The following ANOS1 variants were observed in gnomAD, a reference collection of about 807,000 sequenced individuals.
ANOS1 encodes anosmin-1.
In ANOS1, 6 loss-of-function variants were observed where a neutral mutation model predicts 59.0. The observed-to-expected ratio is 0.10, with a 90% CI of 0.06 to 0.20. The LOEUF is 0.20. Ranked by LOEUF, ANOS1 falls within the 10% of genes least tolerant of loss-of-function variation. ANOS1 has a pLI of 1.00. For missense variants in ANOS1, 433 were observed against 542.3 expected, an observed-to-expected ratio of 0.80 and a Z score of 2.00; for synonymous variants, 217 against 223.4, an observed-to-expected ratio of 0.97 and a Z score of 0.25.
rs1450493612 is a variant in ANOS1 at position 8,626,383 on chromosome X, TTTAAA to T, written c.256-2718_256-2714del. On this transcript the variant is annotated intron_variant, in intron 2 of 13. Coordinates refer to ENST00000262648, the MANE Select transcript of ANOS1 (RefSeq NM_000216.4). The stretch of plus-strand genomic sequence containing the variant: ...TCATAGTAATGTTGCATATGAACAT[TTTAAA>T]TTATTTTCATTTTTTTAAAAAAACT... Among the ~76,000 whole-genome samples the T allele has an allele frequency of 2.7e-5, 3 of 110,852 alleles. No individual in the cohort carries two copies. The East Asian group carries it at 8.5e-4, about 31-fold the overall frequency.
At chrX:8,598,306 A>G (rs760429091) in intron 3 of ANOS1, among the ~76,000 whole-genome samples, 11 of 112,033 alleles carry the variant, frequency 9.8e-5, no homozygotes, top group Non-Finnish European at 1.7e-4. Flanking sequence ...TATTAGAGGA[A>G]TGCATTATTG....
rs1370668300 is a variant in ANOS1, at chrX:8,731,813, CG to C, written c.207+16del. On this transcript the variant is annotated intron_variant, in intron 1 of 13. Coordinates refer to ENST00000262648, the MANE Select transcript of ANOS1 (RefSeq NM_000216.4). ...GCCGCAGCCCCAGAAAGAACCCGGG[CG>C]GGGGCCTCCCCGTACCTGGAAGTGC... is the stretch of plus-strand genomic sequence containing the variant. 8.5e-7 allele frequency: 1 copy of C among 1,180,416 alleles called. No individual in the cohort carries two copies.
intron 2 of ANOS1, among the ~76,000 whole-genome samples, chrX:8,666,232 A>C (rs1932133123): frequency 9.0e-6 from 1 of 111,075 alleles, no homozygotes. Flanking sequence ...GAAAAGAAAA[A>C]AATCCCAAAT....
chrX:8,552,309 C>T (rs776682482), intron 9 of ANOS1, among the ~76,000 whole-genome samples: 112 of 112,167 alleles, frequency 1.0e-3, no homozygotes, highest in African/African-American at 3.5e-3. Flanking sequence ...TAAAGCTTGA[C>T]ATACTCTACG....
chrX:8,575,942 GA>G (rs891463459), intron 6 of ANOS1, among the ~76,000 whole-genome samples: 2 of 109,717 alleles, frequency 1.8e-5, no homozygotes, highest in Non-Finnish European at 1.9e-5. Context: ...TGTCTCTACA[GA>G]AAAAAAAATT....
At chrX:8,616,592 C>G (rs1310866333) in intron 3 of ANOS1, among the ~76,000 whole-genome samples, 2 of 111,420 alleles carry the variant, frequency 1.8e-5, no homozygotes, top group Non-Finnish European at 3.8e-5. Context: ...AACTTCTGGT[C>G]TATTCTTTCT....
intron 2 of ANOS1, among the ~76,000 whole-genome samples, chrX:8,642,419 G>A (rs1197837174): frequency 9.1e-6 from 1 of 110,063 alleles, no homozygotes; most frequent in African/African-American, 3.3e-5. Flanking sequence ...TGGGGGTAGT[G>A]ATAAAAATAT....
intron 2 of ANOS1, among the ~76,000 whole-genome samples, chrX:8,666,928 C>T (rs1052852524): frequency 2.7e-5 from 3 of 111,795 alleles, no homozygotes; most frequent in Non-Finnish European, 5.6e-5. Flanking sequence ...GGGGAAACTG[C>T]CCCAAACAAA....
chrX:8,537,663 T>C (rs1444073475), intron 10 of ANOS1, among the ~76,000 whole-genome samples: 1 of 110,940 alleles, frequency 9.0e-6, no homozygotes, highest in Admixed American at 9.7e-5. Flanking sequence ...TAGTCCTAGC[T>C]ACTCGAGAGG....
intron 3 of ANOS1, among the ~76,000 whole-genome samples, chrX:8,602,842 G>A (rs1336893392): frequency 9.0e-6 from 1 of 110,725 alleles, no homozygotes; most frequent in East Asian, 2.8e-4. Context: ...TGGCTCAAGC[G>A]ATTCCCCTGC....
intron 2 of ANOS1, among the ~76,000 whole-genome samples, chrX:8,637,103 C>G (rs957873444): frequency 2.7e-5 from 3 of 112,238 alleles, no homozygotes; most frequent in Admixed American, 9.4e-5. Context: ...CATCATAATA[C>G]AGTAACAATG....
intron 2 of ANOS1, among the ~76,000 whole-genome samples, chrX:8,690,416 T>C (rs1748535848): frequency 1.8e-5 from 2 of 112,361 alleles, no homozygotes; most frequent in African/African-American, 3.2e-5. Context: ...CATCAGTAAG[T>C]ATTGCAACAG....
intron 6 of ANOS1, among the ~76,000 whole-genome samples, chrX:8,580,821 G>A (rs1930408400): frequency 9.0e-6 from 1 of 111,192 alleles, no homozygotes; most frequent in Non-Finnish European, 1.9e-5. Flanking sequence ...AACCCTTCCT[G>A]CTTTCCTTGA....
chrX:8,678,439 G>A (rs1932369364), intron 2 of ANOS1, among the ~76,000 whole-genome samples: 1 of 111,996 alleles, frequency 8.9e-6, no homozygotes, highest in Non-Finnish European at 1.9e-5. Flanking sequence ...GCAATATTCA[G>A]TATGATGAAA....
intron 10 of ANOS1, among the ~76,000 whole-genome samples, chrX:8,537,749 CGTGTGTGTGT>C (rs202035920): frequency 1.9e-3 from 178 of 94,729 alleles, no homozygotes; most frequent in African/African-American, 6.3e-3. Flanking sequence ...ATGGTTTTTA[CGTGTGTGTGT>C]GTGTGTGTGT....
At chrX:8,575,052 T>A (rs1222266763) in intron 6 of ANOS1, among the ~76,000 whole-genome samples, 1 of 112,224 alleles carries the variant, frequency 8.9e-6, no homozygotes, top group Non-Finnish European at 1.9e-5. Context: ...GCTGAATGAA[T>A]AAATGAAGGA....
intron 8 of ANOS1, among the ~76,000 whole-genome samples, chrX:8,563,084 AACTGTATCC>A (rs1413996743): frequency 8.9e-6 from 1 of 112,358 alleles, no homozygotes; most frequent in Non-Finnish European, 1.9e-5. Context: ...ACAAACATTC[AACTGTATCC>A]TACATAATCC....
intron 1 of ANOS1, among the ~76,000 whole-genome samples, chrX:8,709,672 T>C (rs1241724557): frequency 8.9e-6 from 1 of 112,095 alleles, no homozygotes; most frequent in African/African-American, 3.2e-5. Flanking sequence ...TAGAAGTGTT[T>C]TGAAGCCTTC....
intron 2 of ANOS1, among the ~76,000 whole-genome samples, chrX:8,696,862 G>A (rs1377016748): frequency 8.9e-6 from 1 of 112,273 alleles, no homozygotes; most frequent in African/African-American, 3.2e-5. Flanking sequence ...ATTGCCCTTG[G>A]TTGAGAACCA....
Sources: allele counts gnomAD v4.1 joint callset (sites outside exome capture counted in the v4.1 genomes callset), GRCh38; gene constraint gnomAD v4.1.1; transcripts MANE v1.5; gene names NCBI Gene and HGNC (gene_info 2026-07-23, HGNC 2026-07-21).